The following TIMD4 variants were observed in gnomAD, a reference collection of about 807,000 sequenced individuals.
TIMD4 encodes T-cell immunoglobulin and mucin domain-containing protein 4.
Under a neutral mutation model 41.2 loss-of-function variants are expected in TIMD4, and 31 were observed. The ratio of observed to expected loss-of-function variants is 0.75; its 90% CI spans 0.57 to 1.01. TIMD4 has a LOEUF of 1.01. Ranked by LOEUF, TIMD4 falls within the 50% of genes least tolerant of loss-of-function variation. TIMD4 has a pLI of 0.00. For synonymous variants in TIMD4, 204 were observed against 177.1 expected, an observed-to-expected ratio of 1.15 and a Z score of -1.21; for missense variants, 479 against 472.5, an observed-to-expected ratio of 1.01 and a Z score of -0.13.
At chr5:156,943,367 T>A (rs1000143931) in intron 5 of TIMD4, among the ~76,000 whole-genome samples, 1 of 152,150 alleles carries the variant, frequency 6.6e-6, no homozygotes, top group African/African-American at 2.4e-5. Context: ...TTGAGGAAAC[T>A]GAGATTCAGA....
At chr5:156,933,466 C>A (rs900589099) in intron 5 of TIMD4, among the ~76,000 whole-genome samples, 12 of 150,360 alleles carry the variant, frequency 8.0e-5, no homozygotes, top group East Asian at 5.9e-4. Flanking sequence ...AACCCCCCCC[C>A]AAAAAAAGCT....
intron 7 of TIMD4, among the ~76,000 whole-genome samples, chr5:156,921,616 CAAAAAAAAA>C (rs66842169): frequency 1.9e-4 from 9 of 47,270 alleles, no homozygotes; most frequent in African/African-American, 2.2e-4. Flanking sequence ...GAGACTCTCT[CAAAAAAAAA>C]AAAAAAAAAA....
At chr5:156,949,451 TCCTTCTC>T (rs1295629706) in intron 4 of TIMD4, among the ~76,000 whole-genome samples, 193 bp downstream of exon 4, 3 of 149,910 alleles carry the variant, frequency 2.0e-5, no homozygotes, top group South Asian at 4.2e-4. Flanking sequence ...CTCCTCCTCC[TCCTTCTC>T]TCTCTCTCTC....
intron 1 of TIMD4, among the ~76,000 whole-genome samples, chr5:156,960,176 C>A (rs1760053468): frequency 6.6e-6 from 1 of 152,118 alleles, no homozygotes; most frequent in East Asian, 1.9e-4. Context: ...TCCCCTCAAC[C>A]AGTGTCTTGC....
At chr5:156,931,177 T>C (rs1041214079) in intron 5 of TIMD4, among the ~76,000 whole-genome samples, 2 of 152,142 alleles carry the variant, frequency 1.3e-5, no homozygotes, top group African/African-American at 4.8e-5. Context: ...AAACAAATTA[T>C]CCCCTAACAA....
At chr5:156,929,558 T>A (rs1290144094) in intron 5 of TIMD4, among the ~76,000 whole-genome samples, 1 of 151,496 alleles carries the variant, frequency 6.6e-6, no homozygotes, top group African/African-American at 2.5e-5. Flanking sequence ...GAGAAGGTCA[T>A]GTGAAGACGA....
chr5:156,928,878 T>C (rs1759397108), intron 5 of TIMD4, among the ~76,000 whole-genome samples: 1 of 152,218 alleles, frequency 6.6e-6, no homozygotes, highest in Non-Finnish European at 1.5e-5. Context: ...TGTATTACAA[T>C]CATTTGTGAT....
At chr5:156,944,747 C>T (rs10475854) in intron 5 of TIMD4, among the ~76,000 whole-genome samples, 2,260 of 152,054 alleles carry the variant, frequency 0.015, 57 homozygotes, top group African/African-American at 0.048. Context: ...TTTCGTGATC[C>T]GCCCACCTCG....
chr5:156,940,609 C>T (rs1474348971), intron 5 of TIMD4, among the ~76,000 whole-genome samples: 8 of 142,632 alleles, frequency 5.6e-5, no homozygotes, highest in African/African-American at 1.5e-4. Flanking sequence ...CCGGCCGCCC[C>T]GTCTGGGAGG....
rs368765934 is a variant in TIMD4 at position 156,955,181 on chromosome 5, T to A, written c.59-425A>T. On this transcript the variant is annotated intron_variant, in intron 1 of 8. Coordinates refer to ENST00000274532, the MANE Select transcript of TIMD4 (RefSeq NM_138379.3). ...ATTCTATCCCCTAAGTGGAACCAGG[T>A]GACCAGTTGAGTCTCTAACCGTGGC... Among the ~76,000 whole-genome samples, 5 of 152,328 alleles carry A rather than the reference T, an allele frequency of 3.3e-5. No individual in the cohort carries two copies. The South Asian group carries it at 1.0e-3, about 32-fold the overall frequency.
intron 5 of TIMD4, among the ~76,000 whole-genome samples, chr5:156,947,218 A>G (rs1439575367): frequency 1.4e-5 from 2 of 147,620 alleles, no homozygotes; most frequent in African/African-American, 5.4e-5. Context: ...TAAAATAGAA[A>G]GAAAGAAAAA....
At chr5:156,931,078 G>T (rs911376426) in intron 5 of TIMD4, among the ~76,000 whole-genome samples, 1 of 152,152 alleles carries the variant, frequency 6.6e-6, no homozygotes, top group Non-Finnish European at 1.5e-5. Context: ...GAGAGAGAGA[G>T]ATATTTGAAG....
At chr5:156,949,461 T>C (rs1017347995) in intron 4 of TIMD4, among the ~76,000 whole-genome samples, 190 bp downstream of exon 4, 6 of 150,898 alleles carry the variant, frequency 4.0e-5, no homozygotes, top group Non-Finnish European at 8.9e-5. Flanking sequence ...TCCTTCTCTC[T>C]CTCTCTCTCT....
chr5:156,925,046 C>T (rs1453810640), intron 6 of TIMD4, among the ~76,000 whole-genome samples: 2 of 152,132 alleles, frequency 1.3e-5, no homozygotes, highest in Admixed American at 6.6e-5. Context: ...TGTTGGCTCA[C>T]GCCTGTAATC....
intron 1 of TIMD4, among the ~76,000 whole-genome samples, chr5:156,958,952 C>T (rs561158305): frequency 3.3e-5 from 5 of 151,814 alleles, no homozygotes; most frequent in Non-Finnish European, 5.9e-5. Context: ...AATATAAAAC[C>T]CTTCTTGTAA....
chr5:156,944,131 A>T (rs917025734), intron 5 of TIMD4, among the ~76,000 whole-genome samples: 15 of 152,128 alleles, frequency 9.9e-5, no homozygotes, highest in African/African-American at 3.6e-4. Flanking sequence ...GTTCCTAGGT[A>T]TCTTGAGGTA....
At chr5:156,949,861 AGGCTGGAGTGCAGT>A (rs1759821083) in intron 3 of TIMD4, 130 bp from the exon 4 acceptor site, 1 of 602,250 alleles carries the variant, frequency 1.7e-6, no homozygotes, top group Non-Finnish European at 3.1e-6. Context: ...TCTATCACCC[AGGCTGGAGTGCAGT>A]GGCACAATCT....
chr5:156,942,915 T>C (rs1759673214), intron 5 of TIMD4, among the ~76,000 whole-genome samples: 1 of 152,174 alleles, frequency 6.6e-6, no homozygotes, highest in Non-Finnish European at 1.5e-5. Flanking sequence ...AATTGAGAGT[T>C]CTACATAGCC....
chr5:156,925,208 G>A (rs1759324287), intron 6 of TIMD4, among the ~76,000 whole-genome samples: 1 of 152,232 alleles, frequency 6.6e-6, no homozygotes, highest in Admixed American at 6.5e-5. Flanking sequence ...TACTCAGGAG[G>A]CTGAGGCAGG....
Sources: allele counts gnomAD v4.1 joint callset (sites outside exome capture counted in the v4.1 genomes callset), GRCh38; gene constraint gnomAD v4.1.1; transcripts MANE v1.5; gene names NCBI Gene and HGNC (gene_info 2026-07-23, HGNC 2026-07-21).